Variants in CAST observed in about 807,000 individuals in gnomAD.
CAST encodes calpastatin.
In CAST, 76 loss-of-function variants were observed where a neutral mutation model predicts 119.6. The observed-to-expected ratio is 0.64, with a 90% CI of 0.53 to 0.77. The LOEUF is 0.77. CAST is among the 30% of genes least tolerant of loss of function. CAST has a pLI of 0.00. For synonymous variants in CAST, 319 were observed against 331.6 expected (o/e 0.96, Z 0.41); for missense variants, 953 against 946.5 (o/e 1.01, Z -0.09).
At chr5:96,526,387 G>A (rs1252041767), upstream of CAST, among the ~76,000 whole-genome samples, 7 of 152,134 alleles carry the variant, frequency 4.6e-5, no homozygotes. Context: ...GCCTTGTAAT[G>A]TAGATAAAAG....
the CAST span, among the ~76,000 whole-genome samples, chr5:96,287,617 A>T: frequency 2.6e-5 from 4 of 152,128 alleles, no homozygotes; most frequent in Non-Finnish European, 4.4e-5. Context: ...TCCTCTGTTA[A>T]ATATAAGAAC....
chr5:96,052,628 CATT>C, the CAST span, among the ~76,000 whole-genome samples: 21 of 152,284 alleles, frequency 1.4e-4, no homozygotes, highest in Non-Finnish European at 2.1e-4. Flanking sequence ...AATGGTATCT[CATT>C]GTTGCTTCAA....
chr5:96,394,758 A>G, the CAST span: 2 of 958,590 alleles, frequency 2.1e-6, no homozygotes, highest in East Asian at 2.4e-5. Flanking sequence ...TATCCTCCCC[A>G]TCCATGTTTG....
intron 3 of CAST, among the ~76,000 whole-genome samples, chr5:96,710,947 G>C (rs902175777): frequency 4.0e-5 from 6 of 151,686 alleles, no homozygotes; most frequent in African/African-American, 1.4e-4. Flanking sequence ...TGTTGAGTTT[G>C]AGCCTTCTGT....
At chr5:96,180,764 G>C in the CAST span, among the ~76,000 whole-genome samples, 9 of 152,324 alleles carry the variant, frequency 5.9e-5, no homozygotes, top group East Asian at 1.7e-3. Context: ...AATTACTGTA[G>C]TTGAGGGAAA....
At chr5:96,757,693 T>G in intron 24 of CAST, 39 bp downstream of exon 24, 1 of 1,419,016 alleles carries the variant, frequency 7.0e-7, no homozygotes, top group South Asian at 1.2e-5. Context: ...TTTAGTTTTT[T>G]TTTTTTTTTT....
At position 96,765,222 on chromosome 5, in the gene CAST, A is replaced by G. The variant is rs774652019; in HGVS notation, c.1934A>G (p.Gln645Arg). The G allele has an allele frequency of 2.5e-6, 4 of 1,582,252 alleles. No homozygotes were observed. The South Asian group carries it at 4.5e-5, about 18-fold the overall frequency. The change falls in exon 26 of 32, where the codon CAG (glutamine) becomes CGG (arginine). Residue 645 changes from glutamine to arginine, a missense_variant and splice_region_variant. By Grantham distance (43) the Gln-to-Arg change is conservative (BLOSUM62 1). Coordinates refer to ENST00000675179, the MANE Select transcript of CAST (RefSeq NM_001750.7). ...AATTCAGCATTATTTACTTTTCAGC[A>G]GAGTGACAAAGACCTCGATGATGCC... is the stretch of plus-strand genomic sequence containing the variant. ...QAGAPPRDTS[Q>R]SDKDLDDALD...
chr5:96,178,947 C>A, the CAST span, among the ~76,000 whole-genome samples: 1 of 152,202 alleles, frequency 6.6e-6, no homozygotes, highest in Admixed American at 6.5e-5. Flanking sequence ...GAAGCCCCAT[C>A]TTCCATCCCA....
chr5:96,397,851 A>G, the CAST span, among the ~76,000 whole-genome samples: 1 of 152,108 alleles, frequency 6.6e-6, no homozygotes, highest in South Asian at 2.1e-4. Flanking sequence ...CTGAAGTGTG[A>G]GAGGAAATCT....
At chr5:96,252,289 T>C in the CAST span, among the ~76,000 whole-genome samples, 2 of 152,194 alleles carry the variant, frequency 1.3e-5, no homozygotes, top group Non-Finnish European at 2.9e-5. Context: ...CTATGTTTTC[T>C]GTGAATTTCA....
At chr5:96,003,572 G>A in the CAST span, among the ~76,000 whole-genome samples, 6 of 150,690 alleles carry the variant, frequency 4.0e-5, no homozygotes, top group African/African-American at 1.5e-4. Flanking sequence ...ATTTTATCAA[G>A]TTTTTATAAA....
the CAST span, among the ~76,000 whole-genome samples, chr5:96,317,309 CAAA>C: frequency 9.6e-6 from 1 of 103,992 alleles, no homozygotes; most frequent in African/African-American, 3.6e-5. Context: ...ACCAAAAATA[CAAA>C]AAAAAAAAAA....
At chr5:96,187,637 T>TGG in the CAST span, among the ~76,000 whole-genome samples, 2 of 152,172 alleles carry the variant, frequency 1.3e-5, no homozygotes, top group Non-Finnish European at 2.9e-5. Context: ...CAACTCTCTC[T>TGG]TGCTCAATGG....
the CAST span, among the ~76,000 whole-genome samples, chr5:96,192,186 A>G: frequency 1.3e-5 from 2 of 152,210 alleles, no homozygotes; most frequent in African/African-American, 4.8e-5. Context: ...CACTAGAGAC[A>G]GCAGCAGCAA....
chr5:96,430,107 G>C, the CAST span, among the ~76,000 whole-genome samples: 3 of 152,106 alleles, frequency 2.0e-5, no homozygotes, highest in African/African-American at 7.2e-5. Context: ...ATTAGTGATC[G>C]TTTGATTTTC....
At chr5:96,036,879 A>G in the CAST span, among the ~76,000 whole-genome samples, 240 of 152,308 alleles carry the variant, frequency 1.6e-3, no homozygotes, top group Non-Finnish European at 2.8e-3. Context: ...ACAAATATGT[A>G]TTAATGAAAT....
At chr5:96,420,970 C>A in the CAST span, among the ~76,000 whole-genome samples, 1 of 152,186 alleles carries the variant, frequency 6.6e-6, no homozygotes, top group African/African-American at 2.4e-5. Context: ...TTGACCTTGG[C>A]TTTGATCATT....
chr5:96,316,454 AG>A, the CAST span, among the ~76,000 whole-genome samples: 2 of 152,222 alleles, frequency 1.3e-5, no homozygotes, highest in Non-Finnish European at 2.9e-5. Context: ...CTAATCTAAG[AG>A]GCAGGGGAAC....
the CAST span, among the ~76,000 whole-genome samples, chr5:96,257,511 C>A: frequency 6.6e-6 from 1 of 152,226 alleles, no homozygotes; most frequent in Non-Finnish European, 1.5e-5. Flanking sequence ...GGCAAGATTG[C>A]TGAATTGACG....
Sources: gnomAD v4.1 joint callset for allele counts (sites outside exome capture counted in the v4.1 genomes callset) on GRCh38, gnomAD v4.1.1 for gene constraint, MANE v1.5 for transcripts, NCBI Gene and HGNC (gene_info 2026-07-23, HGNC 2026-07-21) for gene names.